Variants in ATXN7L2 observed in about 807,000 individuals in gnomAD.
ATXN7L2 encodes ataxin 7 like 2.
Under a neutral mutation model 59.6 loss-of-function variants are expected in ATXN7L2, and 17 were observed. The observed-to-expected ratio is 0.29, with a 90% CI of 0.20 to 0.43. The LOEUF (loss-of-function observed/expected upper bound fraction) is 0.43, where lower values mean the gene tolerates loss of function less well. Among genes scored for constraint, ATXN7L2 ranks in the 20% least tolerant of loss-of-function variants. The pLI is 1.00. For synonymous variants in ATXN7L2, 378 were observed against 392.5 expected (o/e 0.96, Z 0.44); for missense variants, 858 against 1,008.9 (o/e 0.85, Z 2.03).
In ATXN7L2 at chr1:109,491,347, C is replaced by A. The variant is rs1351145715; in HGVS notation, c.1880C>A (p.Pro627His). 1.3e-5 allele frequency: 21 copies of A among 1,614,144 alleles called. No individual in the cohort carries two copies. The Admixed American group carries it at 3.3e-4, about 26-fold the overall frequency. Residue 627 changes from proline (P) to histidine (H), a missense_variant, in exon 10 of 11, where the codon CCC becomes CAC. Physicochemically the swap from Pro to His is moderately conservative, Grantham distance 77. Transcript: ENST00000683729. The surrounding 1 kb of genome is among the most constrained non-coding windows in gnomAD (Gnocchi z 4.1). ...CTGGAGCCCACTGGAAAAGGGAAAC[C>A]CTCTGGCTGTAGGGGCCTCTCGGCC... ...CILEPTGKGKPSGCRGLSAKT... is the reference protein window; with the variant it reads ...CILEPTGKGKHSGCRGLSAKT...
At chr1:109,490,825 C>G (rs1656990778) in intron 9 of ATXN7L2, 97 bp from the exon 10 acceptor site, 1 of 1,375,642 alleles carries the variant, frequency 7.3e-7, no homozygotes. Context: ...CTCTGCTGAC[C>G]ATTTCTAGGT....
chr1:109,488,727 C>A lies in ATXN7L2; in HGVS notation c.880-120C>A. 2 of 1,306,852 alleles carry A rather than the reference C, an allele frequency of 1.5e-6. No homozygotes were observed. Among genetic ancestry groups the A allele is most frequent in the Non-Finnish European group, 2.1e-6 (2 of 941,634 alleles). 81.0% of individuals were successfully genotyped at this position (1,306,852 alleles called of 1,614,324 possible). Reference sequence around the variant, plus strand: ...ATGAAACAAAGACACATGAACACAGCTGCAAATATGCCCACCTCTCTCCCT... The same window carrying A: ...ATGAAACAAAGACACATGAACACAGATGCAAATATGCCCACCTCTCTCCCT... On this transcript the variant is annotated intron_variant, in intron 6 of 10. Transcript: ENST00000683729. The surrounding 1 kb of genome is among the most constrained non-coding windows in gnomAD (Gnocchi z 5.0).
chr1:109,487,417 A>C (rs1364961868), intron 4 of ATXN7L2, 101 bp from the exon 5 acceptor site: 7 of 1,302,744 alleles, frequency 5.4e-6, no homozygotes, highest in Non-Finnish European at 7.1e-6. Context: ...GAGCCCACCC[A>C]AATTCCAGGG....
At chr1:109,492,453 C>A in intron 10 of ATXN7L2, 133 bp from the exon 11 acceptor site, 1 of 1,225,244 alleles carries the variant, frequency 8.2e-7, no homozygotes, top group Non-Finnish European at 1.1e-6. Context: ...CATCTTCCCC[C>A]TTGCTCAGTT....
Position 109,488,772 on chromosome 1 carries a change from C to T in ATXN7L2, c.880-75C>T. On this transcript the variant is annotated intron_variant, in intron 6 of 10. Transcript: ENST00000683729. The surrounding 1 kb of genome is among the most constrained non-coding windows in gnomAD (Gnocchi z 5.0). ...CTCCCTGCCCCCCAACTTGCCCGGG[C>T]CAAAGCACCCTGCCGTCCCTCACCC... 2.0e-6 allele frequency: 3 copies of T among 1,529,370 alleles called. No homozygotes were observed. Among genetic ancestry groups the T allele is most frequent in the Non-Finnish European group, 2.7e-6 (3 of 1,126,832 alleles). The allele number at this position is 1,529,370 out of a possible 1,614,324, so 94.7% of individuals were successfully genotyped here.
chr1:109,489,727 A>G, intron 7 of ATXN7L2: 1 of 605,550 alleles, frequency 1.7e-6, no homozygotes, highest in South Asian at 2.0e-5. Context: ...TGGGGAGAGA[A>G]TCCCTTGGGA....
At chr1:109,484,144 C>T in intron 1 of ATXN7L2, 64 bp downstream of exon 1, 1 of 1,315,944 alleles carries the variant, frequency 7.6e-7, no homozygotes, top group Non-Finnish European at 9.8e-7. Context: ...CTTCCGGGCC[C>T]CCGCCAGCTG....
Position 109,483,905 on chromosome 1 carries a change from G to C in ATXN7L2, c.-49G>C. ...CGTGCCCGCGACGGGGCGAGGGGGA[G>C]GGGGCCGCGCGGCGGCGGCGCCAGG... On this transcript the variant is annotated 5_prime_UTR_variant, in exon 1 of 11. Coordinates refer to ENST00000683729, the MANE Select transcript of ATXN7L2 (RefSeq NM_001350175.2). The C allele has an allele frequency of 8.7e-7, 1 of 1,155,138 alleles. No individual in the cohort carries two copies. Among genetic ancestry groups the C allele is most frequent in the Non-Finnish European group, 1.1e-6 (1 of 938,720 alleles). The allele number at this position is 1,155,138 out of a possible 1,614,324, so 71.6% of individuals were successfully genotyped here. A position where few individuals can be genotyped will look rare whatever the true frequency, so the allele number is the denominator to read the frequency against.
downstream of ATXN7L2, chr1:109,492,768 T>A: frequency 1.3e-6 from 1 of 777,414 alleles, no homozygotes; most frequent in Non-Finnish European, 2.0e-6. Flanking sequence ...GCTATGAAAA[T>A]ATAAAAACAG....
At position 109,490,144 on chromosome 1, in the gene ATXN7L2, AG is replaced by A. The variant is rs768722536; in HGVS notation, c.1332+20del. 44 of 1,564,660 alleles carry A rather than the reference AG, an allele frequency of 2.8e-5. No individual in the cohort carries two copies. The African/African-American group carries it at 4.6e-4, about 16-fold the overall frequency. ...GCCACAGGCGGTAAGGACCTGGAAT[AG>A]GGGCCTATGGAGGGGGTGGCCCAGC... On this transcript the variant is annotated intron_variant, in intron 8 of 10. Transcript: ENST00000683729.
Position 109,486,272 on chromosome 1 carries a change from C to G in ATXN7L2, c.193+150C>G, listed in dbSNP as rs1009210561. ...TCCGAGTCGGCCGGTTGTTCTGGCT[C>G]CTGTGACCTGTCGTTGGAGATCATA... On this transcript the variant is annotated intron_variant, in intron 2 of 10. Transcript: ENST00000683729. The surrounding 1 kb of genome is among the most constrained non-coding windows in gnomAD (Gnocchi z 4.3). The G allele has an allele frequency of 8.0e-6, 10 of 1,247,866 alleles. 1 individual carries two copies. The South Asian group carries it at 1.7e-4, about 21-fold the overall frequency. 77.3% of individuals were successfully genotyped at this position (1,247,866 alleles called of 1,614,324 possible).
In ATXN7L2 at chr1:109,491,650, CCT is replaced by C; in HGVS notation, c.2184_2185del (p.Cys729LeufsTer14). ...CAGGCTGGTGCCCCTGCTGATGTGG[CCT>C]GCTCTGTGCGCCGCAAGAAGCCAGG... On this transcript the variant is annotated frameshift_variant, in exon 10 of 11. Coordinates refer to ENST00000683729, the MANE Select transcript of ATXN7L2 (RefSeq NM_001350175.2). LOFTEE classifies it high-confidence loss of function. This position sits in a 1 kb window ranked among gnomAD's most constrained non-coding sequence, Gnocchi z 4.1. 1 of 1,612,734 alleles carries C rather than the reference CCT, an allele frequency of 6.2e-7. No individual in the cohort carries two copies. The highest frequency in any genetic ancestry group is 8.5e-7 in the Non-Finnish European group (1 of 1,179,798).
At chr1:109,490,176 T>A (rs749560811) in intron 8 of ATXN7L2, 48 bp downstream of exon 8, 3 of 1,572,794 alleles carry the variant, frequency 1.9e-6, no homozygotes, top group Non-Finnish European at 2.6e-6. Flanking sequence ...CCAGCACTCC[T>A]GGCCAACAAC....
At position 109,491,885 on chromosome 1, in the gene ATXN7L2, G is replaced by A; in HGVS notation, c.2250+168G>A. On this transcript the variant is annotated intron_variant, in intron 10 of 10. Coordinates refer to ENST00000683729, the MANE Select transcript of ATXN7L2 (RefSeq NM_001350175.2). This position sits in a 1 kb window ranked among gnomAD's most constrained non-coding sequence, Gnocchi z 4.1. Reference sequence around the variant, plus strand: ...GAGGTAGGTCAGTTCTTAGCAAAGTGACTCCAGCTTTTTGCCTGGTGAACC... The same window carrying A: ...GAGGTAGGTCAGTTCTTAGCAAAGTAACTCCAGCTTTTTGCCTGGTGAACC... The A allele has an allele frequency of 4.2e-6, 5 of 1,193,300 alleles. No homozygotes were observed. The highest frequency in any genetic ancestry group is 5.6e-6 in the Non-Finnish European group (5 of 886,204). The allele number at this position is 1,193,300 out of a possible 1,614,324, so 73.9% of individuals were successfully genotyped here.
At position 109,487,502 on chromosome 1, in the gene ATXN7L2, C is replaced by G. The variant is rs886269635; in HGVS notation, c.510-16C>G. Reference sequence around the variant, plus strand: ...CCCCTCCCCTCCCTCAGCCAACCCCCTCTCTCTGTGTGTAGCCTTTTCGTG... The same window carrying G: ...CCCCTCCCCTCCCTCAGCCAACCCCGTCTCTCTGTGTGTAGCCTTTTCGTG... On this transcript the variant is annotated splice_polypyrimidine_tract_variant and intron_variant, in intron 4 of 10. Transcript: ENST00000683729. The G allele has an allele frequency of 1.9e-5, 28 of 1,485,582 alleles. No individual in the cohort carries two copies. The allele number at this position is 1,485,582 out of a possible 1,614,324, so 92.0% of individuals were successfully genotyped here.
At chr1:109,484,231 C>G in intron 1 of ATXN7L2, 151 bp downstream of exon 1, 1 of 833,492 alleles carries the variant, frequency 1.2e-6, no homozygotes, top group Non-Finnish European at 1.6e-6. Context: ...CTAGTGCCCG[C>G]CCGCTCCGTC....
rs910593265 is a variant in ATXN7L2, at chr1:109,487,709, C to T, written c.701C>T (p.Pro234Leu). ...PPGRENIEII[P>L]SEGSSHWAEG... Reference sequence around the variant, plus strand: ...GGCAGAGAGAACATCGAGATCATCCCCAGTGAGGGGTCCAGTCACTGGGCT... The same window carrying T: ...GGCAGAGAGAACATCGAGATCATCCTCAGTGAGGGGTCCAGTCACTGGGCT... The change falls in exon 5 of 11, where the codon CCC becomes CTC. Residue 234 changes from proline (P) to leucine (L), a missense_variant. Around this residue, in one of 3 missense-constraint regions of ATXN7L2, gnomAD observed 734 missense variants for 862.3 expected, o/e 0.85. Transcript: ENST00000683729. 13 of 1,613,550 alleles carry T rather than the reference C, an allele frequency of 8.1e-6. No homozygotes were observed. The highest frequency in any genetic ancestry group is 1.3e-5 in the African/African-American group (1 of 74,896).
In ATXN7L2 at chr1:109,486,425, T is replaced by C. The variant is rs2101024323; in HGVS notation, c.194-81T>C. On this transcript the variant is annotated intron_variant, in intron 2 of 10. Coordinates refer to ENST00000683729, the MANE Select transcript of ATXN7L2 (RefSeq NM_001350175.2). The surrounding 1 kb of genome is among the most constrained non-coding windows in gnomAD (Gnocchi z 4.3). ...GCGGGGAGGTGAAGTGCCTTCTGAG[T>C]GTGGGGTGGGAGTGCTCTCCGATCT... 3 of 1,208,578 alleles carry C rather than the reference T, an allele frequency of 2.5e-6. No individual in the cohort carries two copies. Among genetic ancestry groups the C allele is most frequent in the African/African-American group, 1.5e-5 (1 of 66,324 alleles). 74.9% of individuals were successfully genotyped at this position (1,208,578 alleles called of 1,614,324 possible). A position where few individuals can be genotyped will look rare whatever the true frequency, so the allele number is the denominator to read the frequency against.
At position 109,487,577 on chromosome 1, in the gene ATXN7L2, A is replaced by G. The variant is rs1419530996; in HGVS notation, c.569A>G (p.His190Arg). The part of the protein sequence containing the change: ...KMSSLPKPDG[H>R]GIRVAPPSAF... ...TCCAGTCTCCCGAAGCCTGATGGAC[A>G]TGGAATCAGGGTGGCCCCACCCTCT... The change falls in exon 5 of 11, where the codon CAT becomes CGT. Residue 190 changes from histidine (H) to arginine (R), a missense_variant. His to Arg is a conservative substitution (Grantham distance 29). Around this residue, in one of 3 missense-constraint regions of ATXN7L2, gnomAD observed 734 missense variants for 862.3 expected, o/e 0.85. Transcript: ENST00000683729. The G allele has an allele frequency of 3.9e-6, 6 of 1,535,934 alleles. No individual in the cohort carries two copies. Among genetic ancestry groups the G allele is most frequent in the Admixed American group, 2.1e-5 (1 of 47,310 alleles).
Sources: allele counts gnomAD v4.1 joint callset, GRCh38; gene constraint gnomAD v4.1.1; regional missense constraint gnomAD v4.1.1; non-coding constraint Gnocchi (gnomAD v3.1); transcripts MANE v1.5; gene names NCBI Gene and HGNC (gene_info 2026-07-23, HGNC 2026-07-21).